Variants in MACROD2 observed in about 807,000 individuals in gnomAD.
MACROD2 encodes ADP-ribose glycohydrolase MACROD2.
Under a neutral mutation model 70.4 loss-of-function variants are expected in MACROD2, and 36 were observed. That is an observed-to-expected ratio of 0.51 (90% CI 0.39 to 0.68). MACROD2 has a LOEUF of 0.68. MACROD2 is among the 30% of genes least tolerant of loss of function. MACROD2 has a pLI of 0.00. For synonymous variants in MACROD2, 172 were observed against 178.8 expected (o/e 0.96, Z 0.30); for missense variants, 496 against 538.4 (o/e 0.92, Z 0.78).
At chr20:15,776,015 A>G (rs2051715368) in intron 8 of MACROD2, among the ~76,000 whole-genome samples, 1 of 152,208 alleles carries the variant, frequency 6.6e-6, no homozygotes, top group South Asian at 2.1e-4. Flanking sequence ...CCTAAGGCAA[A>G]TATATTTCAT....
intron 2 of MACROD2, among the ~76,000 whole-genome samples, chr20:14,034,111 A>G (rs1411183258): frequency 6.6e-6 from 1 of 152,088 alleles, no homozygotes; most frequent in Non-Finnish European, 1.5e-5. Context: ...AGTTGGGACT[A>G]CAGGCGCCCG....
At chr20:14,126,389 A>G (rs984553779) in intron 3 of MACROD2, among the ~76,000 whole-genome samples, 1 of 152,218 alleles carries the variant, frequency 6.6e-6, no homozygotes, top group Non-Finnish European at 1.5e-5. Context: ...AAAGCCCTAT[A>G]CAAATAAAAT....
chr20:15,826,916 C>A (rs1256378710), intron 8 of MACROD2, among the ~76,000 whole-genome samples: 3 of 152,058 alleles, frequency 2.0e-5, no homozygotes, highest in Non-Finnish European at 4.4e-5. Flanking sequence ...TTAACATATT[C>A]CAGTACTAGT....
At chr20:14,151,293 C>T (rs1268874008) in intron 3 of MACROD2, among the ~76,000 whole-genome samples, 3 of 151,624 alleles carry the variant, frequency 2.0e-5, no homozygotes, top group Non-Finnish European at 4.4e-5. Flanking sequence ...AAGTTCCTGA[C>T]TTGAGGTTGT....
At chr20:15,914,379 C>T (rs753668692) in intron 10 of MACROD2, among the ~76,000 whole-genome samples, 9 of 152,138 alleles carry the variant, frequency 5.9e-5, no homozygotes, top group South Asian at 2.1e-4. Context: ...AGGAGATGGA[C>T]GTCAGAACCT....
intron 8 of MACROD2, among the ~76,000 whole-genome samples, chr20:15,763,791 C>T (rs1463396233): frequency 6.6e-6 from 1 of 152,126 alleles, no homozygotes; most frequent in African/African-American, 2.4e-5. Flanking sequence ...CCAATGCATT[C>T]AAAGGCTGTG....
chr20:15,632,104 A>T (rs2049299287), intron 8 of MACROD2, among the ~76,000 whole-genome samples: 1 of 151,934 alleles, frequency 6.6e-6, no homozygotes. Context: ...GTGCCATTGC[A>T]CTCCAGCCTG....
chr20:14,459,462 A>G (rs1004242636), intron 3 of MACROD2, among the ~76,000 whole-genome samples: 2 of 152,018 alleles, frequency 1.3e-5, no homozygotes, highest in Non-Finnish European at 2.9e-5. Context: ...AAAGATATTT[A>G]TATATAAATA....
chr20:15,783,940 G>C lies in MACROD2; in HGVS notation c.646-78805G>C, dbSNP rs142921939. On this transcript the variant is annotated intron_variant, in intron 8 of 17. Coordinates refer to ENST00000684519, the MANE Select transcript of MACROD2 (RefSeq NM_001351661.2). ...CGGATGCTGACCCACGATGAGGAAAGGGATGCGAGCTGGCTACCTATGTCT... is the reference window on the plus strand; with the variant it reads ...CGGATGCTGACCCACGATGAGGAAACGGATGCGAGCTGGCTACCTATGTCT... 1.0e-3 allele frequency among the ~76,000 whole-genome samples: 155 copies of C among 152,260 alleles called. 1 individual carries two copies. The East Asian group carries it at 0.018, about 17-fold the overall frequency.
At chr20:14,826,478 T>G (rs910633934) in intron 5 of MACROD2, among the ~76,000 whole-genome samples, 1 of 152,182 alleles carries the variant, frequency 6.6e-6, no homozygotes, top group Non-Finnish European at 1.5e-5. Flanking sequence ...GTAATTCTTT[T>G]TATTTTCTTT....
intron 6 of MACROD2, among the ~76,000 whole-genome samples, chr20:15,296,666 G>A (rs968315849): frequency 1.3e-5 from 2 of 152,220 alleles, no homozygotes; most frequent in Non-Finnish European, 2.9e-5. Flanking sequence ...GACTGCTAGA[G>A]GGTAATGTTC....
chr20:14,974,202 G>C (rs969405229), intron 5 of MACROD2, among the ~76,000 whole-genome samples: 4 of 152,198 alleles, frequency 2.6e-5, no homozygotes, highest in African/African-American at 9.7e-5. Flanking sequence ...TAGCGGAGTA[G>C]GGGATTGTCT....
chr20:14,173,468 A>T (rs2081239600), intron 3 of MACROD2, among the ~76,000 whole-genome samples: 1 of 151,476 alleles, frequency 6.6e-6, no homozygotes, highest in African/African-American at 2.4e-5. Flanking sequence ...AGAAGTTGTG[A>T]TTATTTTTTA....
chr20:14,036,141 CAAA>C (rs1188474410), intron 2 of MACROD2, among the ~76,000 whole-genome samples: 1 of 100,440 alleles, frequency 1.0e-5, no homozygotes. Flanking sequence ...GACTCCGTCT[CAAA>C]AAAAAAAAAA....
intron 3 of MACROD2, among the ~76,000 whole-genome samples, chr20:14,294,606 T>C (rs568529555): frequency 4.6e-5 from 7 of 151,958 alleles, no homozygotes; most frequent in African/African-American, 1.7e-4. Context: ...TGTAGGCAAG[T>C]AATTTATTTA....
chr20:16,036,159 A>G (rs571006706), intron 15 of MACROD2, among the ~76,000 whole-genome samples: 38 of 152,114 alleles, frequency 2.5e-4, no homozygotes, highest in African/African-American at 8.7e-4. Context: ...ACAGGCCCTG[A>G]GCTCTGTACC....
chr20:15,025,033 C>G (rs866510106), intron 5 of MACROD2, among the ~76,000 whole-genome samples: 7 of 152,148 alleles, frequency 4.6e-5, no homozygotes, highest in African/African-American at 1.7e-4. Context: ...AATATGATAT[C>G]CTGAGTTTTC....
chr20:15,246,742 T>C (rs1197769167), intron 6 of MACROD2, among the ~76,000 whole-genome samples: 1 of 152,194 alleles, frequency 6.6e-6, no homozygotes, highest in African/African-American at 2.4e-5. Context: ...ATTGAGAATA[T>C]AGGTCTGCAT....
intron 5 of MACROD2, among the ~76,000 whole-genome samples, chr20:14,847,011 C>T (rs1164650609): frequency 6.6e-6 from 1 of 152,026 alleles, no homozygotes; most frequent in Non-Finnish European, 1.5e-5. Context: ...CTTATGTACA[C>T]ATCGATGCTT....
Sources: gnomAD v4.1 joint callset for allele counts (sites outside exome capture counted in the v4.1 genomes callset) on GRCh38, gnomAD v4.1.1 for gene constraint, MANE v1.5 for transcripts, NCBI Gene and HGNC (gene_info 2026-07-23, HGNC 2026-07-21) for gene names.